CD53: variants seen among roughly 807,000 people sequenced by gnomAD.
CD53 encodes leukocyte surface antigen CD53.
In CD53, 20 loss-of-function variants were observed where a neutral mutation model predicts 27.3. That is an observed-to-expected ratio of 0.73 (90% confidence interval 0.52 to 1.07). The LOEUF (loss-of-function observed/expected upper bound fraction) is 1.07, where lower values mean the gene tolerates loss of function less well. CD53 is among the 50% of genes least tolerant of loss of function. The pLI, the probability that CD53 is intolerant of heterozygous loss-of-function variation, is 0.00. For missense variants in CD53, 216 were observed against 264.0 expected (o/e 0.82, Z 1.26); for synonymous variants, 106 against 105.3 (o/e 1.01, Z -0.04).
intron 1 of CD53, among the ~76,000 whole-genome samples, chr1:110,876,458 T>C (rs1656133449): frequency 6.6e-6 from 1 of 152,224 alleles, no homozygotes; most frequent in African/African-American, 2.4e-5. Context: ...AACTAAATAC[T>C]TAACATATAT....
intron 1 of CD53, among the ~76,000 whole-genome samples, chr1:110,881,417 G>A (rs1222282684): frequency 6.6e-6 from 1 of 152,172 alleles, no homozygotes; most frequent in Non-Finnish European, 1.5e-5. Flanking sequence ...CACCTGTGCT[G>A]TAGAGGGTAA....
intron 1 of CD53, among the ~76,000 whole-genome samples, chr1:110,876,103 C>T (rs553009808): frequency 6.1e-4 from 93 of 152,212 alleles, no homozygotes; most frequent in African/African-American, 2.1e-3. Context: ...GTACTTCAAG[C>T]GAAGTTAGAG....
Position 110,899,298 on chromosome 1 carries a change from C to T in CD53, c.*103C>T. 1 of 793,580 alleles carries T rather than the reference C, an allele frequency of 1.3e-6. No individual in the cohort carries two copies. The highest frequency in any genetic ancestry group is 2.1e-6 in the Non-Finnish European group (1 of 476,508). The allele number at this position is 793,580 out of a possible 1,614,324, so 49.2% of individuals were successfully genotyped here. On this transcript the variant is annotated 3_prime_UTR_variant, in exon 8 of 8. Coordinates refer to ENST00000271324, the MANE Select transcript of CD53 (RefSeq NM_000560.4). ...GATCACTGCAGGATGATCCTCCTCC[C>T]ATCCTTTCCCTTTTTAGGTCCCTGT...
chr1:110,889,419 C>T (rs12565027), intron 1 of CD53, among the ~76,000 whole-genome samples: 11,817 of 151,798 alleles, frequency 0.078, 492 homozygotes, highest in East Asian at 0.17. Context: ...ATTAGCCGGG[C>T]GTGGTGACGG....
At chr1:110,886,206 A>G (rs1029344583) in intron 1 of CD53, among the ~76,000 whole-genome samples, 7 of 152,202 alleles carry the variant, frequency 4.6e-5, no homozygotes, top group South Asian at 2.1e-4. Flanking sequence ...CTGTTTTCCA[A>G]TAAGAAGTCT....
At chr1:110,873,692 T>C (rs1303696340) in intron 1 of CD53, among the ~76,000 whole-genome samples, 1 of 152,196 alleles carries the variant, frequency 6.6e-6, no homozygotes, top group East Asian at 1.9e-4. Context: ...TCTTTTTCAT[T>C]TGAGAAAATT....
chr1:110,888,646 A>G (rs1352350948), intron 1 of CD53, among the ~76,000 whole-genome samples: 1 of 152,240 alleles, frequency 6.6e-6, no homozygotes, highest in East Asian at 1.9e-4. Flanking sequence ...GAAAAGGAAA[A>G]TGAAAAAGGT....
chr1:110,895,311 G>A (rs1657015832), intron 5 of CD53, among the ~76,000 whole-genome samples: 1 of 152,174 alleles, frequency 6.6e-6, no homozygotes, highest in Non-Finnish European at 1.5e-5. Flanking sequence ...ATGTGAAGAA[G>A]ACCCAAACAC....
At chr1:110,896,574 C>A in intron 5 of CD53, 79 bp from the exon 6 acceptor site, 1 of 1,334,352 alleles carries the variant, frequency 7.5e-7, no homozygotes, top group Non-Finnish European at 1.1e-6. Flanking sequence ...CTGAAGGGCA[C>A]ACCTTTTCCT....
intron 1 of CD53, among the ~76,000 whole-genome samples, chr1:110,874,388 G>T (rs746430322): frequency 2.9e-4 from 44 of 152,206 alleles, no homozygotes; most frequent in Non-Finnish European, 5.9e-4. Flanking sequence ...TGGGAATTGT[G>T]GGGGAGGGAG....
Position 110,897,808 on chromosome 1 carries a change from G to A in CD53, c.505-1G>A. On this transcript the variant is annotated splice_acceptor_variant, in intron 6 of 7. Transcript: ENST00000271324. LOFTEE classifies it high-confidence loss of function. ...TCATTTGTAACTGAAATGTCTTCTA[G>A]GGTTGCTATGCGAAAGCAAGACTGT... is the stretch of plus-strand genomic sequence containing the variant. 3 of 1,587,716 alleles carry A rather than the reference G, an allele frequency of 1.9e-6. No individual in the cohort carries two copies. The highest frequency in any genetic ancestry group is 2.6e-6 in the Non-Finnish European group (3 of 1,156,752).
chr1:110,894,275 G>C, intron 3 of CD53, 52 bp from the exon 4 acceptor site: 1 of 1,515,254 alleles, frequency 6.6e-7, no homozygotes. Context: ...CTGAGTGGGA[G>C]TGGGACGAGA....
chr1:110,890,514 T>G (rs1245989825), intron 1 of CD53, among the ~76,000 whole-genome samples: 1 of 151,674 alleles, frequency 6.6e-6, no homozygotes, highest in Non-Finnish European at 1.5e-5. Flanking sequence ...TTGCAGTGAA[T>G]TGAGATTGTG....
chr1:110,888,822 A>C (rs956258908), intron 1 of CD53, among the ~76,000 whole-genome samples: 5 of 152,232 alleles, frequency 3.3e-5, no homozygotes, highest in African/African-American at 1.2e-4. Flanking sequence ...CTAAGTGCTC[A>C]AAGCTGTAGC....
intron 5 of CD53, among the ~76,000 whole-genome samples, chr1:110,895,586 C>G (rs1657027546): frequency 6.6e-6 from 1 of 152,134 alleles, no homozygotes; most frequent in East Asian, 1.9e-4. Flanking sequence ...AACAGTACCA[C>G]TATGAAAGCA....
chr1:110,897,835 G>A lies in CD53; in HGVS notation c.531G>A (p.Trp177Ter). 6.2e-7 allele frequency: 1 copy of A among 1,612,052 alleles called. No individual in the cohort carries two copies. The highest frequency in any genetic ancestry group is 8.5e-7 in the Non-Finnish European group (1 of 1,178,422). Residue 177 changes from tryptophan to a stop codon, truncating the protein, a stop_gained, in exon 7 of 8, where the codon TGG becomes TGA. Coordinates refer to ENST00000271324, the MANE Select transcript of CD53 (RefSeq NM_000560.4). LOFTEE classifies it high-confidence loss of function. ...VEGCYAKARL[W>*]FHSNFLYIGI... ...GTTGCTATGCGAAAGCAAGACTGTG[G>A]TTTCATTCCAATTTCCTGTATATCG...
chr1:110,896,679 G>C lies in CD53; in HGVS notation c.450G>C (p.Thr150=), dbSNP rs762351480. The C allele has an allele frequency of 6.2e-7, 1 of 1,613,564 alleles. No homozygotes were observed. The highest frequency in any genetic ancestry group is 1.1e-5 in the South Asian group (1 of 91,004). The change falls in exon 6 of 8, where the codon ACG becomes ACC. Residue 150 remains threonine, a synonymous_variant. Coordinates refer to ENST00000271324, the MANE Select transcript of CD53 (RefSeq NM_000560.4). ...SFLQCCGING[T]SDWTSGPPAS... Reference sequence around the variant, plus strand: ...TGCAGTGTTGTGGTATAAATGGCACGAGTGATTGGACCAGTGGCCCACCAG... The same window carrying C: ...TGCAGTGTTGTGGTATAAATGGCACCAGTGATTGGACCAGTGGCCCACCAG...
chr1:110,886,869 A>ATATATATT lies in CD53; in HGVS notation c.-17-4522_-17-4521insATATATTT, dbSNP rs1298376721. Among the ~76,000 whole-genome samples the ATATATATT allele has an allele frequency of 2.1e-3, 170 of 82,766 alleles. 2 individuals carry two copies. The highest frequency in any genetic ancestry group is 5.9e-3 in the Admixed American group (42 of 7,178). 54.3% of individuals were successfully genotyped at this position (82,766 alleles called of 152,430 possible). ...CCAATATATATATATATATATATAT[A>ATATATATT]TTTTTTTTTTCTGTCTGTGTTTCTT... On this transcript the variant is annotated intron_variant, in intron 1 of 7. Coordinates refer to ENST00000271324, the MANE Select transcript of CD53 (RefSeq NM_000560.4).
chr1:110,892,386 G>T lies in CD53; in HGVS notation c.105G>T (p.Leu35=). Residue 35 remains leucine (L), a synonymous_variant, in exon 3 of 8, where the codon CTG becomes CTT. Transcript: ENST00000271324. ...TTTTGGGCTTTGGGATCTACCTGCT[G>T]ATCCACAACAACTTCGGAGTGCTCT... ...CCILGFGIYL[L]IHNNFGVLFH... The T allele has an allele frequency of 6.2e-7, 1 of 1,614,092 alleles. No individual in the cohort carries two copies. Among genetic ancestry groups the T allele is most frequent in the Non-Finnish European group, 8.5e-7 (1 of 1,179,948 alleles).
Sources: gnomAD v4.1 joint callset for allele counts (sites outside exome capture counted in the v4.1 genomes callset) on GRCh38, gnomAD v4.1.1 for gene constraint, MANE v1.5 for transcripts, NCBI Gene and HGNC (gene_info 2026-07-23, HGNC 2026-07-21) for gene names.